The following NAV3 variants were observed in gnomAD, a reference collection of about 807,000 sequenced individuals.
The protein encoded by NAV3 is neuron navigator 3, also known as pore membrane and/or filament interacting like protein 1.
Under a neutral mutation model 244.7 loss-of-function variants are expected in NAV3, and 87 were observed. The observed-to-expected ratio is 0.36, with a 90% confidence interval of 0.30 to 0.42. NAV3 has a LOEUF of 0.42. NAV3 is among the 20% of genes least tolerant of loss of function. The pLI is 1.00. For missense variants in NAV3, 2,663 were observed against 2,893.3 expected (o/e 0.92, Z 1.83); for synonymous variants, 1,126 against 1,042.2 (o/e 1.08, Z -1.55).
intron 2 of NAV3, among the ~76,000 whole-genome samples, chr12:77,789,790 A>G (rs1871096725): frequency 6.6e-6 from 1 of 151,046 alleles, no homozygotes; most frequent in Non-Finnish European, 1.5e-5. Context: ...AGCCTGGGCA[A>G]CAAGAGCAAA....
chr12:78,183,215 C>T (rs925474197), intron 30 of NAV3, among the ~76,000 whole-genome samples: 3 of 151,894 alleles, frequency 2.0e-5, no homozygotes, highest in Non-Finnish European at 4.4e-5. Flanking sequence ...TCACATTAAT[C>T]TTGCTGTTTT....
intron 15 of NAV3, among the ~76,000 whole-genome samples, chr12:78,121,013 G>A (rs7959214): frequency 0.11 from 16,953 of 152,114 alleles, 1,022 homozygotes; most frequent in East Asian, 0.26. Context: ...GAATTATGGC[G>A]TATAGGGAGA....
chr12:78,200,025 G>A (rs1959474037), intron 37 of NAV3, among the ~76,000 whole-genome samples: 1 of 151,980 alleles, frequency 6.6e-6, no homozygotes, highest in Non-Finnish European at 1.5e-5. Context: ...TTAATTGCAT[G>A]TACAGAAGTC....
intron 17 of NAV3, among the ~76,000 whole-genome samples, chr12:78,128,064 C>G (rs1387247051): frequency 6.6e-6 from 1 of 152,054 alleles, no homozygotes; most frequent in African/African-American, 2.4e-5. Flanking sequence ...TGGTGAAACA[C>G]TGAATAATGG....
intron 3 of NAV3, chr12:77,947,703 T>G (rs1593081940): frequency 1.3e-5 from 2 of 152,102 alleles, no homozygotes; most frequent in South Asian, 4.1e-4. Flanking sequence ...ATGAAAATCT[T>G]TACTTTGTAT....
At chr12:77,939,884 T>A (rs1889698445) in intron 1 of NAV3, among the ~76,000 whole-genome samples, 1 of 152,186 alleles carries the variant, frequency 6.6e-6, no homozygotes, top group Admixed American at 6.6e-5. Flanking sequence ...GTATCTCACA[T>A]GACAAATTCA....
chr12:77,623,515 T>G (rs772686186), intron 2 of NAV3, among the ~76,000 whole-genome samples: 4 of 152,182 alleles, frequency 2.6e-5, no homozygotes, highest in Non-Finnish European at 4.4e-5. Context: ...CTTGCACAAA[T>G]TTTGTAACAA....
chr12:78,171,731 T>A (rs1403143507), intron 24 of NAV3, among the ~76,000 whole-genome samples: 1 of 151,518 alleles, frequency 6.6e-6, no homozygotes, highest in Non-Finnish European at 1.5e-5. Flanking sequence ...TTGTATGGCA[T>A]ATAAATTTAT....
At chr12:77,735,732 A>G (rs1009878623) in intron 2 of NAV3, among the ~76,000 whole-genome samples, 2 of 152,198 alleles carry the variant, frequency 1.3e-5, no homozygotes, top group African/African-American at 4.8e-5. Context: ...TTTTGCAAGG[A>G]GCATAGAAAT....
At chr12:77,906,380 G>A (rs1008215107) in intron 1 of NAV3, among the ~76,000 whole-genome samples, 54 of 152,112 alleles carry the variant, frequency 3.6e-4, no homozygotes, top group African/African-American at 1.2e-3. Context: ...TAGGAAAGAC[G>A]AACCTCTGAA....
chr12:77,816,994 G>A (rs1476448529), intron 2 of NAV3, among the ~76,000 whole-genome samples: 1 of 152,158 alleles, frequency 6.6e-6, no homozygotes, highest in Non-Finnish European at 1.5e-5. Context: ...AGGTGTGGCT[G>A]CACGGCTGGT....
Position 78,097,072 on chromosome 12 carries a change from G to T in NAV3, c.2637-19700G>T, listed in dbSNP as rs1251914248. Among the ~76,000 whole-genome samples, 6 of 152,304 alleles carry T rather than the reference G, an allele frequency of 3.9e-5. No individual in the cohort carries two copies. The East Asian group carries it at 1.2e-3, about 29-fold the overall frequency. On this transcript the variant is annotated intron_variant, in intron 12 of 39. Coordinates refer to ENST00000397909, the MANE Select transcript of NAV3 (RefSeq NM_001024383.2). ...TTACTAAACAAAGCTCAGAAACAGA[G>T]ACCAGGGTGTGGGAAGTAAGGTAGT...
At chr12:77,755,298 A>C (rs918104546) in intron 2 of NAV3, among the ~76,000 whole-genome samples, 3 of 152,094 alleles carry the variant, frequency 2.0e-5, no homozygotes, top group African/African-American at 7.2e-5. Context: ...CTCTTGTAAG[A>C]TATGAATGAA....
chr12:77,959,204 A>G (rs550232842), intron 3 of NAV3, among the ~76,000 whole-genome samples: 8 of 152,302 alleles, frequency 5.3e-5, no homozygotes, highest in Middle Eastern at 3.4e-3. Flanking sequence ...TTTGTAATGT[A>G]TAATGAAACT....
chr12:77,951,620 G>T (rs1045868436), intron 3 of NAV3, among the ~76,000 whole-genome samples: 1 of 152,170 alleles, frequency 6.6e-6, no homozygotes, highest in Admixed American at 6.5e-5. Flanking sequence ...ACATGCACAC[G>T]TATGTTCATT....
intron 23 of NAV3, among the ~76,000 whole-genome samples, chr12:78,160,630 T>G (rs1275173118): frequency 6.6e-6 from 1 of 152,118 alleles, no homozygotes; most frequent in African/African-American, 2.4e-5. Flanking sequence ...ATTTTGTCAC[T>G]TTACAAAAGT....
At chr12:78,124,829 TTAAAC>T (rs1357971120) in intron 16 of NAV3, among the ~76,000 whole-genome samples, 3 of 152,158 alleles carry the variant, frequency 2.0e-5, no homozygotes, top group South Asian at 4.1e-4. Context: ...AAAATAAACT[TTAAAC>T]TAATTTTGGA....
At chr12:78,066,100 T>A (rs1397496524) in intron 12 of NAV3, among the ~76,000 whole-genome samples, 1 of 152,006 alleles carries the variant, frequency 6.6e-6, no homozygotes. Context: ...AAGAAATCAC[T>A]AGCAAGTGCC....
At chr12:77,842,163 GAGA>G (rs1875780138) in intron 1 of NAV3, among the ~76,000 whole-genome samples, 1 of 152,152 alleles carries the variant, frequency 6.6e-6, no homozygotes, top group African/African-American at 2.4e-5. Context: ...CACTGAATAA[GAGA>G]AGAACCATAA....
Sources: gnomAD v4.1 joint callset for allele counts (sites outside exome capture counted in the v4.1 genomes callset) on GRCh38, gnomAD v4.1.1 for gene constraint, MANE v1.5 for transcripts, NCBI Gene and HGNC (gene_info 2026-07-23, HGNC 2026-07-21) for gene names.